NDUFA10: variants seen among roughly 807,000 people sequenced by gnomAD.
NDUFA10 encodes NADH:ubiquinone oxidoreductase subunit A10, also known as NADH dehydrogenase [ubiquinone] 1 alpha subcomplex subunit 10, mitochondrial.
NDUFA10 carries 40 observed loss-of-function variants against 47.8 expected under a neutral mutation model. That is an observed-to-expected ratio of 0.84 (90% CI 0.65 to 1.09). NDUFA10 has a LOEUF of 1.09. Among genes scored for constraint, NDUFA10 ranks in the 50% least tolerant of loss-of-function variants. NDUFA10 has a pLI of 0.00. For missense variants in NDUFA10, 413 were observed against 451.1 expected (o/e 0.92, Z 0.76); for synonymous variants, 183 against 172.2 (o/e 1.06, Z -0.49).
At chr2:239,970,525 T>A (rs1695265531) in intron 9 of NDUFA10, among the ~76,000 whole-genome samples, 1 of 152,234 alleles carries the variant, frequency 6.6e-6, no homozygotes, top group African/African-American at 2.4e-5. Flanking sequence ...ATTGTTTCAA[T>A]CTCTTTAAAA....
At chr2:239,981,781 G>A (rs545263486) in intron 9 of NDUFA10, among the ~76,000 whole-genome samples, 72 of 152,072 alleles carry the variant, frequency 4.7e-4, no homozygotes, top group African/African-American at 1.6e-3. Context: ...TATATTTTAA[G>A]TTTCTCATGA....
chr2:239,959,135 C>T lies in NDUFA10; in HGVS notation c.*1983G>A. On this transcript the variant is annotated 3_prime_UTR_variant, in exon 10 of 10. Coordinates refer to ENST00000252711, the MANE Select transcript of NDUFA10 (RefSeq NM_004544.4). The stretch of plus-strand genomic sequence containing the variant: ...AGAAAATCAAACAGACGAATGTCCT[C>T]AGCACTACAAATTACATACTTCCCA... 2.0e-6 allele frequency: 2 copies of T among 985,464 alleles called. No homozygotes were observed. Among genetic ancestry groups the T allele is most frequent in the Non-Finnish European group, 1.2e-6 (1 of 829,946 alleles). The allele number at this position is 985,464 out of a possible 1,614,324, so 61.0% of individuals were successfully genotyped here. A position where few individuals can be genotyped will look rare whatever the true frequency, so the allele number is the denominator to read the frequency against.
At chr2:239,982,261 A>C (rs769522724) in intron 9 of NDUFA10, 3 of 1,601,700 alleles carry the variant, frequency 1.9e-6, no homozygotes, top group Non-Finnish European at 2.6e-6. Context: ...CTCGCCTCTG[A>C]CAAAGGCCGA....
chr2:239,940,124 A>G (rs913717377), intron 4 of NDUFA10, among the ~76,000 whole-genome samples: 2 of 152,382 alleles, frequency 1.3e-5, no homozygotes, highest in South Asian at 4.1e-4. Context: ...GTTGGAGGGT[A>G]AAGACATCAC....
At chr2:240,013,542 G>C (rs1054939527) in intron 5 of NDUFA10, 3 of 152,150 alleles carry the variant, frequency 2.0e-5, no homozygotes, top group African/African-American at 7.2e-5. Context: ...CCACTTGATG[G>C]AAGGTTCTTA....
intron 9 of NDUFA10, among the ~76,000 whole-genome samples, chr2:239,973,083 G>A (rs185599592): frequency 3.9e-5 from 6 of 152,302 alleles, no homozygotes; most frequent in Middle Eastern, 3.4e-3. Flanking sequence ...TCCATACACA[G>A]AGATGTAAAT....
intron 4 of NDUFA10, among the ~76,000 whole-genome samples, chr2:240,015,886 G>A (rs768592354): frequency 6.6e-6 from 1 of 152,220 alleles, no homozygotes; most frequent in African/African-American, 2.4e-5. Context: ...TGGGCACAGT[G>A]GCTCACGCCT....
At chr2:240,024,375 T>C (rs1465447299) in intron 1 of NDUFA10, among the ~76,000 whole-genome samples, 1 of 152,178 alleles carries the variant, frequency 6.6e-6, no homozygotes, top group Non-Finnish European at 1.5e-5. Flanking sequence ...AGGCAATATA[T>C]TGTATGATTC....
At chr2:240,017,991 A>C in intron 4 of NDUFA10, 2 of 1,139,796 alleles carry the variant, frequency 1.8e-6, no homozygotes, top group Non-Finnish European at 2.6e-6. Flanking sequence ...AGACACCCCA[A>C]CCCCACCCTG....
intron 4 of NDUFA10, chr2:239,895,451 A>G (rs1227380187): frequency 4.9e-6 from 1 of 204,180 alleles, no homozygotes; most frequent in East Asian, 1.5e-4. Context: ...GTGATAGGTT[A>G]GGGGAGAAAC....
intron 4 of NDUFA10, among the ~76,000 whole-genome samples, chr2:239,912,925 C>T (rs1693780118): frequency 6.6e-6 from 1 of 152,238 alleles, no homozygotes; most frequent in South Asian, 2.1e-4. Flanking sequence ...AAGCCTTGGT[C>T]CAGCCAGCCA....
At chr2:239,929,648 GCCCCTGCTTCTCCACCA>G (rs1310762683) in intron 4 of NDUFA10, among the ~76,000 whole-genome samples, 2 of 150,112 alleles carry the variant, frequency 1.3e-5, no homozygotes, top group South Asian at 2.1e-4. Flanking sequence ...CTCCTCCACC[GCCCCTGCTTCTCCACCA>G]CCCCTGCTCC....
intron 9 of NDUFA10, among the ~76,000 whole-genome samples, chr2:239,961,612 C>G (rs1396725270): frequency 6.6e-6 from 1 of 152,172 alleles, no homozygotes; most frequent in Non-Finnish European, 1.5e-5. Context: ...GAAAAAGCCC[C>G]GCGTGAAATT....
At chr2:239,954,132 G>A (rs1030355091), downstream of NDUFA10, among the ~76,000 whole-genome samples, 1 of 148,124 alleles carries the variant, frequency 6.8e-6, no homozygotes, top group Non-Finnish European at 1.5e-5. Flanking sequence ...CCAGGACTGT[G>A]AGAGTGGGTT....
intron 4 of NDUFA10, among the ~76,000 whole-genome samples, chr2:239,915,898 G>GATACAC (rs1239685028): frequency 6.9e-6 from 1 of 145,644 alleles, no homozygotes; most frequent in Admixed American, 6.8e-5. Flanking sequence ...GACACACAGA[G>GATACAC]ATACACATAC....
intron 4 of NDUFA10, chr2:240,017,809 G>A: frequency 6.4e-7 from 1 of 1,553,908 alleles, no homozygotes; most frequent in Non-Finnish European, 8.7e-7. Flanking sequence ...TCCACAGAAT[G>A]GTCACCTGGC....
intron 4 of NDUFA10, among the ~76,000 whole-genome samples, chr2:239,909,302 A>G (rs1693709038): frequency 6.6e-6 from 1 of 152,156 alleles, no homozygotes; most frequent in Non-Finnish European, 1.5e-5. Context: ...TTAAATGTAA[A>G]ACCAAAAACT....
chr2:239,967,977 T>TACACACACACACACACACACACACACAC (rs1380084722), intron 9 of NDUFA10, among the ~76,000 whole-genome samples: 2 of 139,546 alleles, frequency 1.4e-5, no homozygotes, highest in African/African-American at 5.6e-5. Flanking sequence ...AGGAAAAAAA[T>TACACACACACACACACACACACACACAC]ATACACACAC....
At chr2:239,986,081 T>G (rs891289244) in intron 9 of NDUFA10, among the ~76,000 whole-genome samples, 2 of 151,990 alleles carry the variant, frequency 1.3e-5, no homozygotes, top group Non-Finnish European at 2.9e-5. Context: ...AAATCTCTTT[T>G]AAAAAGAAGG....
Sources: allele counts gnomAD v4.1 joint callset (sites outside exome capture counted in the v4.1 genomes callset), GRCh38; gene constraint gnomAD v4.1.1; transcripts MANE v1.5; gene names NCBI Gene and HGNC (gene_info 2026-07-23, HGNC 2026-07-21).